The following BTBD9 variants were observed in gnomAD, a reference collection of about 807,000 sequenced individuals.
The protein encoded by BTBD9 is BTB domain containing 9, also known as BTB/POZ domain-containing protein 9.
A neutral mutation model predicts 64.3 loss-of-function variants in BTBD9; 49 were observed. That is an observed-to-expected ratio of 0.76 (90% CI 0.61 to 0.97). The LOEUF (loss-of-function observed/expected upper bound fraction) is 0.97, where lower values mean the gene tolerates loss of function less well. Ranked by LOEUF, BTBD9 falls within the 50% of genes least tolerant of loss-of-function variation. The probability of loss-of-function intolerance (pLI) is 0.00; values close to 1 mark genes in which losing one functional copy is unlikely to be tolerated. For missense variants in BTBD9, 598 were observed against 762.1 expected (o/e 0.78, Z 2.53); for synonymous variants, 260 against 274.7 (o/e 0.95, Z 0.53).
chr6:38,417,775 GGAGAGA>G (rs1554149267), intron 6 of BTBD9, among the ~76,000 whole-genome samples: 2 of 135,644 alleles, frequency 1.5e-5, no homozygotes, highest in Admixed American at 7.5e-5. Context: ...CCTGTCTCGA[GGAGAGA>G]GAGAGAGAGA....
chr6:38,581,451 A>G (rs1776281821), intron 4 of BTBD9, among the ~76,000 whole-genome samples: 2 of 152,206 alleles, frequency 1.3e-5, no homozygotes, highest in Non-Finnish European at 2.9e-5. Context: ...GAAAATTGAT[A>G]GTCTGTCATC....
At chr6:38,304,709 G>C (rs946319194) in intron 7 of BTBD9, among the ~76,000 whole-genome samples, 4 of 152,124 alleles carry the variant, frequency 2.6e-5, no homozygotes, top group African/African-American at 4.8e-5. Context: ...AGGACTACAG[G>C]CATGAACTAC....
intron 6 of BTBD9, among the ~76,000 whole-genome samples, chr6:38,472,768 T>C (rs1770707978): frequency 6.6e-6 from 1 of 152,168 alleles, no homozygotes; most frequent in Admixed American, 6.5e-5. Context: ...GGTAGGCCTT[T>C]CTAAGATCTA....
intron 6 of BTBD9, among the ~76,000 whole-genome samples, chr6:38,438,907 A>G (rs946765306): frequency 3.9e-5 from 6 of 152,174 alleles, no homozygotes; most frequent in African/African-American, 1.4e-4. Flanking sequence ...GAGTGAGGAA[A>G]TAAGCCATGA....
chr6:38,494,474 C>G (rs1771855521), intron 6 of BTBD9, among the ~76,000 whole-genome samples: 1 of 152,182 alleles, frequency 6.6e-6, no homozygotes, highest in African/African-American at 2.4e-5. Context: ...ATGGCGAATG[C>G]CAGCACTAGA....
intron 6 of BTBD9, among the ~76,000 whole-genome samples, chr6:38,545,339 G>A (rs1001271145): frequency 3.3e-5 from 5 of 152,206 alleles, no homozygotes; most frequent in East Asian, 3.9e-4. Context: ...GATTACAGGC[G>A]TGAGCCACCA....
intron 8 of BTBD9, among the ~76,000 whole-genome samples, chr6:38,257,789 A>T (rs1415818534): frequency 6.6e-6 from 1 of 152,156 alleles, no homozygotes; most frequent in East Asian, 1.9e-4. Flanking sequence ...GGTGACAGGA[A>T]TCAGAACAGT....
At chr6:38,480,401 C>T (rs765994175) in intron 6 of BTBD9, among the ~76,000 whole-genome samples, 59 of 152,312 alleles carry the variant, frequency 3.9e-4, no homozygotes, top group Non-Finnish European at 7.8e-4. Flanking sequence ...AGAAGACCCA[C>T]AGTACAGCAC....
chr6:38,341,598 T>C (rs752383252), intron 7 of BTBD9, among the ~76,000 whole-genome samples: 4 of 152,236 alleles, frequency 2.6e-5, no homozygotes, highest in Non-Finnish European at 5.9e-5. Context: ...GCAAATACTA[T>C]GCAAGTATCA....
At chr6:38,580,738 A>C (rs930072296) in intron 4 of BTBD9, among the ~76,000 whole-genome samples, 1 of 152,032 alleles carries the variant, frequency 6.6e-6, no homozygotes, top group African/African-American at 2.4e-5. Context: ...CCTATTAAAA[A>C]CAAACAAAAA....
chr6:38,318,570 G>A (rs1352571281), intron 7 of BTBD9, among the ~76,000 whole-genome samples: 1 of 152,178 alleles, frequency 6.6e-6, no homozygotes, highest in Non-Finnish European at 1.5e-5. Context: ...AGAATTCTCT[G>A]GATTGCCAGA....
At chr6:38,297,642 T>C (rs1197558295) in intron 7 of BTBD9, among the ~76,000 whole-genome samples, 2 of 152,176 alleles carry the variant, frequency 1.3e-5, no homozygotes, top group East Asian at 3.8e-4. Flanking sequence ...ACTTTCTATT[T>C]TTCTGGTCTC....
intron 6 of BTBD9, among the ~76,000 whole-genome samples, chr6:38,444,226 C>T (rs1769172072): frequency 6.6e-6 from 1 of 152,122 alleles, no homozygotes. Flanking sequence ...CTGTCTACTT[C>T]ATGGGAACTA....
At chr6:38,352,271 GGA>G (rs765611684) in intron 6 of BTBD9, among the ~76,000 whole-genome samples, 2 of 152,046 alleles carry the variant, frequency 1.3e-5, no homozygotes, top group Non-Finnish European at 2.9e-5. Context: ...CAGCTACTTG[GGA>G]GACTGAGGTG....
chr6:38,552,225 G>A (rs917046045), intron 6 of BTBD9, among the ~76,000 whole-genome samples: 1 of 152,104 alleles, frequency 6.6e-6, no homozygotes, highest in Non-Finnish European at 1.5e-5. Context: ...CTATCTTCAG[G>A]CCAACAACAC....
At chr6:38,179,637 C>A (rs1436614341) in intron 10 of BTBD9, 2 of 456,766 alleles carry the variant, frequency 4.4e-6, no homozygotes, top group Non-Finnish European at 8.8e-6. Context: ...TGTGCAGGGG[C>A]CTGTGTTCAC....
chr6:38,625,623 C>G (rs34953294), intron 1 of BTBD9, among the ~76,000 whole-genome samples: 4,710 of 152,234 alleles, frequency 0.031, 140 homozygotes, highest in African/African-American at 0.073. Flanking sequence ...CCTGCCCAAA[C>G]AAGAACACAA....
intron 9 of BTBD9, among the ~76,000 whole-genome samples, chr6:38,204,158 C>A (rs1361692713): frequency 2.0e-5 from 3 of 152,120 alleles, no homozygotes; most frequent in Non-Finnish European, 2.9e-5. Context: ...TGGAAAACAA[C>A]CTGGCAGTTC....
At chr6:38,424,937 C>G (rs933674563) in intron 6 of BTBD9, among the ~76,000 whole-genome samples, 2 of 151,850 alleles carry the variant, frequency 1.3e-5, no homozygotes, top group Non-Finnish European at 2.9e-5. Context: ...CACCCAGGTT[C>G]AAGCAATTCT....
Sources: allele counts gnomAD v4.1 joint callset (sites outside exome capture counted in the v4.1 genomes callset), GRCh38; gene constraint gnomAD v4.1.1; transcripts MANE v1.5; gene names NCBI Gene and HGNC (gene_info 2026-07-23, HGNC 2026-07-21).